Variants in FGGY observed in about 807,000 individuals in gnomAD.
FGGY encodes the protein FGGY carbohydrate kinase domain-containing protein.
A neutral mutation model predicts 71.3 loss-of-function variants in FGGY; 72 were observed. The observed-to-expected ratio is 1.01, with a 90% CI of 0.84 to 1.23. The LOEUF is 1.23. Among genes scored for constraint, FGGY ranks in the 50% most tolerant of loss-of-function variants. The pLI is 0.00. For synonymous variants in FGGY, 251 were observed against 250.3 expected (o/e 1.00, Z -0.02); for missense variants, 668 against 682.3 (o/e 0.98, Z 0.23).
chr1:59,615,041 G>A (rs541481048), intron 9 of FGGY, among the ~76,000 whole-genome samples: 1 of 152,264 alleles, frequency 6.6e-6, no homozygotes, highest in East Asian at 1.9e-4. Flanking sequence ...TCATGGGTAG[G>A]AAGAATCAAT....
intron 1 of FGGY, among the ~76,000 whole-genome samples, chr1:59,310,709 C>T (rs1403715156): frequency 6.6e-6 from 1 of 152,156 alleles, no homozygotes; most frequent in African/African-American, 2.4e-5. Flanking sequence ...GACCCTTTCT[C>T]CATCGTCCTT....
intron 5 of FGGY, among the ~76,000 whole-genome samples, chr1:59,434,816 G>A (rs2068079842): frequency 6.6e-6 from 1 of 152,106 alleles, no homozygotes; most frequent in African/African-American, 2.4e-5. Flanking sequence ...ATCACCTTGA[G>A]GATTAGGTTT....
At chr1:59,504,965 G>C (rs569143008) in intron 6 of FGGY, among the ~76,000 whole-genome samples, 21 of 152,300 alleles carry the variant, frequency 1.4e-4, no homozygotes, top group Non-Finnish European at 2.8e-4. Context: ...AATGAATATA[G>C]AGGTAAATAA....
chr1:59,316,888 C>G (rs1345638265), intron 1 of FGGY, among the ~76,000 whole-genome samples: 1 of 152,176 alleles, frequency 6.6e-6, no homozygotes, highest in Non-Finnish European at 1.5e-5. Context: ...ACCACCCTCC[C>G]CATATCCCTA....
intron 5 of FGGY, 89 bp from the exon 6 acceptor site, chr1:59,456,872 C>A: frequency 1.3e-6 from 1 of 777,600 alleles, no homozygotes; most frequent in South Asian, 1.6e-5. Context: ...TTTAATACCT[C>A]TGCAGATACC....
Position 59,578,796 on chromosome 1 carries a change from C to T in FGGY, c.903+24569C>T, listed in dbSNP as rs979191950. Among the ~76,000 whole-genome samples the T allele has an allele frequency of 7.2e-5, 11 of 152,148 alleles. No homozygotes were observed. In the South Asian group the frequency reaches 8.3e-4, roughly 11 times the overall value. Reference sequence around the variant, plus strand: ...TCAATAAACCAGAACACACACAAGGCTGGGGTTGTCCTCTCGTCCCTCTCC... The same window carrying T: ...TCAATAAACCAGAACACACACAAGGTTGGGGTTGTCCTCTCGTCCCTCTCC... On this transcript the variant is annotated intron_variant, in intron 8 of 15. Coordinates refer to ENST00000303721, the MANE Select transcript of FGGY (RefSeq NM_018291.5).
At chr1:59,467,051 C>A (rs1450963380) in intron 6 of FGGY, among the ~76,000 whole-genome samples, 1 of 152,096 alleles carries the variant, frequency 6.6e-6, no homozygotes, top group African/African-American at 2.4e-5. Context: ...CACGCGTACA[C>A]GTATTTTTAT....
At chr1:59,427,195 T>C (rs1449912150) in intron 5 of FGGY, among the ~76,000 whole-genome samples, 1 of 152,168 alleles carries the variant, frequency 6.6e-6, no homozygotes, top group Non-Finnish European at 1.5e-5. Flanking sequence ...AGCTGGGAAC[T>C]CAGGTCCATA....
At chr1:59,504,229 G>A (rs1220487118) in intron 6 of FGGY, among the ~76,000 whole-genome samples, 2 of 152,146 alleles carry the variant, frequency 1.3e-5, no homozygotes, top group African/African-American at 4.8e-5. Flanking sequence ...CTTGCCATGT[G>A]CATCTGTTCA....
chr1:59,734,513 G>T (rs188908368), intron 14 of FGGY, among the ~76,000 whole-genome samples: 2 of 152,100 alleles, frequency 1.3e-5, no homozygotes, highest in African/African-American at 4.8e-5. Flanking sequence ...TCGTCCTTCC[G>T]TATGGCCCTC....
chr1:59,598,296 T>A (rs1047845373), intron 8 of FGGY, among the ~76,000 whole-genome samples: 1 of 152,236 alleles, frequency 6.6e-6, no homozygotes, highest in East Asian at 1.9e-4. Flanking sequence ...GAGGAACTTT[T>A]GGAAGGCTTC....
At chr1:59,370,505 T>C (rs60610322) in intron 4 of FGGY, among the ~76,000 whole-genome samples, 4,758 of 152,044 alleles carry the variant, frequency 0.031, 96 homozygotes, top group East Asian at 0.058. Context: ...CAGGAGAACT[T>C]CCCCAATCTA....
intron 1 of FGGY, among the ~76,000 whole-genome samples, chr1:59,319,017 C>A (rs1170186687): frequency 1.3e-5 from 2 of 152,222 alleles, no homozygotes; most frequent in Non-Finnish European, 2.9e-5. Flanking sequence ...GGCATTGCCC[C>A]TATTTTGTCA....
intron 8 of FGGY, among the ~76,000 whole-genome samples, chr1:59,558,401 T>G (rs940579636): frequency 6.6e-6 from 1 of 152,074 alleles, no homozygotes; most frequent in Admixed American, 6.6e-5. Flanking sequence ...GAGAGGAATT[T>G]TACAGCTGGG....
At chr1:59,368,834 G>A (rs1280564729) in intron 4 of FGGY, among the ~76,000 whole-genome samples, 1 of 152,134 alleles carries the variant, frequency 6.6e-6, no homozygotes, top group African/African-American at 2.4e-5. Flanking sequence ...GCTCACGCCT[G>A]TAATACCAGC....
At chr1:59,549,184 A>G (rs901997587) in intron 7 of FGGY, among the ~76,000 whole-genome samples, 1 of 152,206 alleles carries the variant, frequency 6.6e-6, no homozygotes, top group African/African-American at 2.4e-5. Flanking sequence ...GCTGGTGGTC[A>G]CTAGAGAGTC....
chr1:59,492,672 T>C (rs899083390), intron 6 of FGGY, among the ~76,000 whole-genome samples: 1 of 152,116 alleles, frequency 6.6e-6, no homozygotes, highest in African/African-American at 2.4e-5. Flanking sequence ...CTAGATGCCT[T>C]CTGTTTTTCC....
intron 2 of FGGY, among the ~76,000 whole-genome samples, chr1:59,324,339 G>C (rs894093425): frequency 4.4e-4 from 63 of 142,804 alleles, no homozygotes; most frequent in African/African-American, 1.6e-3. Flanking sequence ...TGCAGTGGCG[G>C]GATCTCGGCT....
At chr1:59,663,692 C>T (rs926628150) in intron 12 of FGGY, among the ~76,000 whole-genome samples, 1 of 151,946 alleles carries the variant, frequency 6.6e-6, no homozygotes, top group Non-Finnish European at 1.5e-5. Flanking sequence ...TTTCAATAAG[C>T]CTTTTTTGTG....
Sources: allele counts gnomAD v4.1 joint callset (sites outside exome capture counted in the v4.1 genomes callset), GRCh38; gene constraint gnomAD v4.1.1; transcripts MANE v1.5; gene names NCBI Gene and HGNC (gene_info 2026-07-23, HGNC 2026-07-21).